DCC: variants seen among roughly 807,000 people sequenced by gnomAD.
DCC encodes netrin receptor DCC.
Under a neutral mutation model 172.5 loss-of-function variants are expected in DCC, and 58 were observed. The ratio of observed to expected loss-of-function variants is 0.34; its 90% CI spans 0.27 to 0.42. DCC has a LOEUF of 0.42. DCC is among the 10% of genes least tolerant of loss of function. The probability of loss-of-function intolerance (pLI) is 1.00; values close to 1 mark genes in which losing one functional copy is unlikely to be tolerated. For missense variants in DCC, 1,740 were observed against 1,791.0 expected (o/e 0.97, Z 0.51); for synonymous variants, 709 against 644.5 (o/e 1.10, Z -1.52).
chr18:53,359,203 T>C (rs1279414058), intron 15 of DCC, among the ~76,000 whole-genome samples: 1 of 152,094 alleles, frequency 6.6e-6, no homozygotes, highest in African/African-American at 2.4e-5. Context: ...GTTTTGGAGG[T>C]TCAAAAATTG....
intron 2 of DCC, among the ~76,000 whole-genome samples, chr18:52,877,507 G>A (rs540255528): frequency 1.3e-5 from 2 of 151,992 alleles, no homozygotes; most frequent in South Asian, 2.1e-4. Context: ...CCAGGAGTTC[G>A]GGACCATCCT....
chr18:53,004,759 C>A (rs1207198453), intron 5 of DCC, among the ~76,000 whole-genome samples: 1 of 152,048 alleles, frequency 6.6e-6, no homozygotes, highest in African/African-American at 2.4e-5. Flanking sequence ...TGTGCCAGTG[C>A]CCAGAGATGC....
At position 52,553,700 on chromosome 18, in the gene DCC, A is replaced by G. The variant is rs532607101; in HGVS notation, c.92-198354A>G. Among the ~76,000 whole-genome samples the G allele has an allele frequency of 2.6e-5, 4 of 152,160 alleles. No homozygotes were observed. In the East Asian group the frequency reaches 7.7e-4, roughly 29 times the overall value. ...GTAAGGAGGGCAATTATAGAGCTCA[A>G]AGGGGGTCTAGAGGAGAGTAGGGGA... On this transcript the variant is annotated intron_variant, in intron 1 of 28. Coordinates refer to ENST00000442544, the MANE Select transcript of DCC (RefSeq NM_005215.4).
intron 1 of DCC, among the ~76,000 whole-genome samples, chr18:52,657,612 G>T (rs2035281007): frequency 6.6e-6 from 1 of 152,154 alleles, no homozygotes. Context: ...TTAGGGCCAA[G>T]TTTCAGGGTG....
chr18:53,284,242 G>A (rs985928079), intron 12 of DCC, among the ~76,000 whole-genome samples: 2 of 152,080 alleles, frequency 1.3e-5, no homozygotes, highest in Non-Finnish European at 2.9e-5. Context: ...TTCCCCATGG[G>A]CTGTATTTGT....
At chr18:52,840,219 T>G (rs1306021450) in intron 2 of DCC, among the ~76,000 whole-genome samples, 1 of 152,180 alleles carries the variant, frequency 6.6e-6, no homozygotes, top group East Asian at 1.9e-4. Flanking sequence ...CCCAGAAGCT[T>G]TCTTGCATTC....
At chr18:53,224,605 C>A (rs951796600) in intron 12 of DCC, among the ~76,000 whole-genome samples, 11 of 152,112 alleles carry the variant, frequency 7.2e-5, no homozygotes, top group African/African-American at 2.4e-4. Flanking sequence ...TAGCAGGAAC[C>A]TAGGAGTCAT....
At chr18:52,797,063 T>C (rs2037889837) in intron 2 of DCC, among the ~76,000 whole-genome samples, 1 of 152,106 alleles carries the variant, frequency 6.6e-6, no homozygotes, top group Non-Finnish European at 1.5e-5. Context: ...CTTAGCCTAT[T>C]GACACTTGTA....
intron 12 of DCC, among the ~76,000 whole-genome samples, chr18:53,217,248 G>A (rs969615154): frequency 3.4e-5 from 5 of 147,192 alleles, no homozygotes; most frequent in African/African-American, 1.2e-4. Flanking sequence ...TTGCAAAATT[G>A]ACTATATATA....
chr18:53,526,472 C>G, intron 27 of DCC, 145 bp from the exon 28 acceptor site: 1 of 874,712 alleles, frequency 1.1e-6, no homozygotes, highest in Non-Finnish European at 1.9e-6. Flanking sequence ...CGAGCCCACT[C>G]ATTGTGTCAG....
intron 2 of DCC, among the ~76,000 whole-genome samples, chr18:52,770,790 A>C (rs1162491031): frequency 6.6e-6 from 1 of 152,208 alleles, no homozygotes; most frequent in East Asian, 1.9e-4. Context: ...TGAGTCATGG[A>C]ATCTTGGACT....
chr18:53,459,534 A>T, intron 24 of DCC, 76 bp downstream of exon 24: 1 of 903,278 alleles, frequency 1.1e-6, no homozygotes, highest in East Asian at 2.4e-5. Context: ...CTTTTATGGA[A>T]ATGTCTTCCC....
intron 1 of DCC, among the ~76,000 whole-genome samples, chr18:52,527,975 G>A (rs1249536736): frequency 6.6e-6 from 1 of 152,192 alleles, no homozygotes; most frequent in Middle Eastern, 3.4e-3. Context: ...AGGCAAATTT[G>A]CCTGCCTTTC....
intron 9 of DCC, 110 bp downstream of exon 9, chr18:53,179,226 T>G: frequency 9.2e-7 from 1 of 1,087,626 alleles, no homozygotes; most frequent in Non-Finnish European, 1.4e-6. Flanking sequence ...AAGAAGAGTT[T>G]TTTTTCTTCT....
intron 3 of DCC, among the ~76,000 whole-genome samples, chr18:52,908,180 A>T (rs867448718): frequency 6.6e-6 from 1 of 152,176 alleles, no homozygotes; most frequent in Non-Finnish European, 1.5e-5. Context: ...AGAGAGTAGC[A>T]TTCTTGTAAT....
intron 21 of DCC, 102 bp downstream of exon 21, chr18:53,416,258 C>A: frequency 2.4e-6 from 2 of 835,170 alleles, no homozygotes; most frequent in Non-Finnish European, 4.1e-6. Flanking sequence ...GGACCATACA[C>A]CTGATGAAGC....
chr18:53,033,874 T>A (rs550168589), intron 5 of DCC, among the ~76,000 whole-genome samples: 1 of 152,122 alleles, frequency 6.6e-6, no homozygotes, highest in African/African-American at 2.4e-5. Flanking sequence ...AGGTCTCCAA[T>A]GACCTGTATG....
At chr18:52,821,360 A>G (rs941229813) in intron 2 of DCC, among the ~76,000 whole-genome samples, 3 of 152,190 alleles carry the variant, frequency 2.0e-5, no homozygotes, top group African/African-American at 7.2e-5. Flanking sequence ...TTCACTATAT[A>G]TTAGATTGTT....
intron 1 of DCC, among the ~76,000 whole-genome samples, chr18:52,486,069 A>C (rs1036494178): frequency 6.6e-6 from 1 of 152,098 alleles, no homozygotes; most frequent in Admixed American, 6.6e-5. Flanking sequence ...GTCATAGCTC[A>C]CTGTAACCTT....
Sources: allele counts gnomAD v4.1 joint callset (sites outside exome capture counted in the v4.1 genomes callset), GRCh38; gene constraint gnomAD v4.1.1; transcripts MANE v1.5; gene names NCBI Gene and HGNC (gene_info 2026-07-23, HGNC 2026-07-21).